Variants in PAN3 observed in about 807,000 individuals in gnomAD.
PAN3 encodes PAN2-PAN3 deadenylation complex subunit PAN3.
PAN3 carries 19 observed loss-of-function variants against 96.2 expected under a neutral mutation model. The ratio of observed to expected loss-of-function variants is 0.20; its 90% CI spans 0.14 to 0.29. PAN3 has a LOEUF of 0.29. PAN3 is among the 10% of genes least tolerant of loss of function. The pLI, the probability that PAN3 is intolerant of heterozygous loss-of-function variation, is 1.00. For missense variants in PAN3, 882 were observed against 1,108.1 expected (o/e 0.80, Z 2.90); for synonymous variants, 433 against 406.6 (o/e 1.06, Z -0.78).
At chr13:28,285,550 T>C (rs1353332771) in intron 17 of PAN3, among the ~76,000 whole-genome samples, 1 of 152,164 alleles carries the variant, frequency 6.6e-6, no homozygotes, top group Non-Finnish European at 1.5e-5. Context: ...CCCTTTAATC[T>C]TGGAAACTTA....
intron 5 of PAN3, among the ~76,000 whole-genome samples, chr13:28,217,042 G>A (rs1429751454): frequency 2.0e-5 from 3 of 151,418 alleles, no homozygotes; most frequent in Non-Finnish European, 2.9e-5. Context: ...TGAACCCGGG[G>A]GGCAGAAGTT....
At chr13:28,272,884 A>G (rs1234002768) in intron 14 of PAN3, among the ~76,000 whole-genome samples, 4 of 152,174 alleles carry the variant, frequency 2.6e-5, no homozygotes, top group African/African-American at 9.7e-5. Context: ...ATAACGTCAG[A>G]GACTCTTAAC....
At chr13:28,199,344 G>A (rs1365024797) in intron 5 of PAN3, among the ~76,000 whole-genome samples, 2 of 151,898 alleles carry the variant, frequency 1.3e-5, no homozygotes, top group Non-Finnish European at 1.5e-5. Context: ...AGAATAGCTT[G>A]AAAAATCTTT....
At chr13:28,251,075 A>G (rs1341080526) in intron 6 of PAN3, among the ~76,000 whole-genome samples, 1 of 151,684 alleles carries the variant, frequency 6.6e-6, no homozygotes, top group Non-Finnish European at 1.5e-5. Context: ...TGATTTATCT[A>G]CTTTGCTATT....
chr13:28,261,253 G>A, intron 8 of PAN3, 148 bp from the exon 9 acceptor site: 1 of 460,134 alleles, frequency 2.2e-6, no homozygotes, highest in Non-Finnish European at 3.8e-6. Context: ...ATTTTACCAT[G>A]TTTAGAAATG....
intron 1 of PAN3, among the ~76,000 whole-genome samples, chr13:28,142,714 T>G (rs1050191009): frequency 2.2e-4 from 34 of 152,260 alleles, no homozygotes; most frequent in African/African-American, 7.2e-4. Context: ...TTTGTGGGTT[T>G]TGATTGAATC....
chr13:28,157,095 T>C (rs1172589405), intron 1 of PAN3, among the ~76,000 whole-genome samples: 2 of 151,354 alleles, frequency 1.3e-5, no homozygotes, highest in African/African-American at 4.9e-5. Flanking sequence ...CAATAAATGT[T>C]ACCCGTCACA....
intron 1 of PAN3, among the ~76,000 whole-genome samples, chr13:28,171,709 C>A (rs1167789641): frequency 6.6e-6 from 1 of 152,172 alleles, no homozygotes; most frequent in Non-Finnish European, 1.5e-5. Context: ...TAAATGTGTT[C>A]ACCGGCCCAC....
intron 1 of PAN3, among the ~76,000 whole-genome samples, chr13:28,158,962 A>G (rs906249805): frequency 1.3e-5 from 2 of 152,186 alleles, no homozygotes; most frequent in Non-Finnish European, 2.9e-5. Context: ...CATACCAGTC[A>G]GAATGATTAT....
At chr13:28,227,790 T>A (rs577702110) in intron 6 of PAN3, among the ~76,000 whole-genome samples, 48 of 152,334 alleles carry the variant, frequency 3.2e-4, no homozygotes, top group African/African-American at 1.1e-3. Context: ...GCATATGGAC[T>A]TCTTGACTTA....
chr13:28,153,452 T>C (rs1050116006), intron 1 of PAN3, among the ~76,000 whole-genome samples: 34 of 152,212 alleles, frequency 2.2e-4, no homozygotes, highest in Non-Finnish European at 1.0e-4. Context: ...TTGGCCAGGA[T>C]GGTCTCAATC....
intron 6 of PAN3, chr13:28,232,598 C>A (rs182827992): frequency 6.6e-6 from 1 of 151,660 alleles, no homozygotes; most frequent in Non-Finnish European, 1.5e-5. Flanking sequence ...ATGAAGTGTT[C>A]TGCATTATAA....
At chr13:28,212,448 C>A (rs1880159907) in intron 5 of PAN3, among the ~76,000 whole-genome samples, 1 of 152,076 alleles carries the variant, frequency 6.6e-6, no homozygotes, top group South Asian at 2.1e-4. Context: ...ACATTATTTA[C>A]CATGTAATTA....
chr13:28,266,181 C>T (rs1337464316), intron 9 of PAN3, among the ~76,000 whole-genome samples: 1 of 152,092 alleles, frequency 6.6e-6, no homozygotes, highest in Non-Finnish European at 1.5e-5. Context: ...TTGTTACCAT[C>T]TGCTATATTT....
chr13:28,143,753 A>G (rs1464753315), intron 1 of PAN3, among the ~76,000 whole-genome samples: 1 of 152,234 alleles, frequency 6.6e-6, no homozygotes, highest in African/African-American at 2.4e-5. Context: ...TTTTGAGGGC[A>G]TACATTGAAG....
rs1428857027 is a variant in PAN3, at chr13:28,293,896, A to G, written c.*1374A>G. ...GTTTTACTAGCACTGGGTGCTCACC[A>G]TGCAACTGAAGAAAATGTGGAAACT... On this transcript the variant is annotated 3_prime_UTR_variant, in exon 19 of 19. Transcript: ENST00000380958. 6.6e-6 allele frequency: 1 copy of G among 152,648 alleles called. No homozygotes were observed. Among genetic ancestry groups the G allele is most frequent in the African/African-American group, 2.4e-5 (1 of 41,470 alleles). 9.5% of individuals were successfully genotyped at this position (152,648 alleles called of 1,614,324 possible).
intron 6 of PAN3, among the ~76,000 whole-genome samples, chr13:28,255,305 C>A (rs1885047849): frequency 6.6e-6 from 1 of 152,120 alleles, no homozygotes; most frequent in South Asian, 2.1e-4. Context: ...CTGATCACCT[C>A]CATTAAGCCT....
At chr13:28,205,380 C>G (rs1052539996) in intron 5 of PAN3, among the ~76,000 whole-genome samples, 22 of 152,150 alleles carry the variant, frequency 1.4e-4, no homozygotes, top group African/African-American at 5.3e-4. Context: ...ACCTCCTCTT[C>G]TCTCTAGCTG....
intron 18 of PAN3, among the ~76,000 whole-genome samples, chr13:28,290,193 C>T (rs1482113638): frequency 1.3e-5 from 2 of 152,202 alleles, no homozygotes; most frequent in Non-Finnish European, 2.9e-5. Context: ...CATTTACTGA[C>T]TCTTGGTCTA....
Sources: allele counts gnomAD v4.1 joint callset (sites outside exome capture counted in the v4.1 genomes callset), GRCh38; gene constraint gnomAD v4.1.1; transcripts MANE v1.5; gene names NCBI Gene and HGNC (gene_info 2026-07-23, HGNC 2026-07-21).